RPAP2: variants seen among roughly 807,000 people sequenced by gnomAD.
RPAP2 encodes RNA polymerase II associated protein 2.
A neutral mutation model predicts 73.1 loss-of-function variants in RPAP2; 52 were observed. That is an observed-to-expected ratio of 0.71 (90% CI 0.57 to 0.90). The LOEUF (loss-of-function observed/expected upper bound fraction) is 0.90, where lower values mean the gene tolerates loss of function less well. Among genes scored for constraint, RPAP2 ranks in the 40% least tolerant of loss-of-function variants. The pLI is 0.00. For synonymous variants in RPAP2, 225 were observed against 242.1 expected, an observed-to-expected ratio of 0.93 and a Z score of 0.65; for missense variants, 598 against 701.8, an observed-to-expected ratio of 0.85 and a Z score of 1.67.
chr1:92,380,319 CTTGT>C (rs1197641481), intron 11 of RPAP2, among the ~76,000 whole-genome samples: 4 of 151,718 alleles, frequency 2.6e-5, no homozygotes, highest in African/African-American at 9.7e-5. Flanking sequence ...AAAAGGTAAT[CTTGT>C]TTGTTTACTA....
rs1253580025 is a variant in RPAP2 at position 92,395,081 on chromosome 1, C to T, written c.*8070C>T. 6.6e-6 allele frequency: 1 copy of T among 152,092 alleles called. No homozygotes were observed. Among genetic ancestry groups the T allele is most frequent in the African/African-American group, 2.4e-5 (1 of 41,420 alleles). The allele number at this position is 152,092 out of a possible 1,614,324, so 9.4% of individuals were successfully genotyped here. On this transcript the variant is annotated 3_prime_UTR_variant, in exon 13 of 13. Transcript: ENST00000610020. ...AAGATGGTCTTTTCAACAAATAGTG[C>T]TAGGATATTTGGATATCAAATGCAG...
chr1:92,320,271 AT>A (rs1220119225), intron 6 of RPAP2, among the ~76,000 whole-genome samples: 1 of 151,504 alleles, frequency 6.6e-6, no homozygotes, highest in Non-Finnish European at 1.5e-5. Context: ...TTGTCCTTTA[AT>A]TTTTTTCTTT....
At chr1:92,383,006 C>CT (rs1655712998) in intron 12 of RPAP2, among the ~76,000 whole-genome samples, 1 of 152,188 alleles carries the variant, frequency 6.6e-6, no homozygotes, top group Non-Finnish European at 1.5e-5. Context: ...GTTTTCCCAG[C>CT]ACCATTTATT....
intron 5 of RPAP2, among the ~76,000 whole-genome samples, chr1:92,304,968 C>G (rs1033216727): frequency 9.9e-5 from 15 of 151,838 alleles, no homozygotes; most frequent in African/African-American, 3.1e-4. Context: ...AACCCTGTCT[C>G]TACAAAAAGT....
In RPAP2 at chr1:92,401,521, T is replaced by C. The variant is rs552045253; in HGVS notation, c.*14510T>C. 6.6e-6 allele frequency: 1 copy of C among 152,328 alleles called. No individual in the cohort carries two copies. Among genetic ancestry groups the C allele is most frequent in the African/African-American group, 2.4e-5 (1 of 41,570 alleles). The allele number at this position is 152,328 out of a possible 1,614,324, so 9.4% of individuals were successfully genotyped here. On this transcript the variant is annotated 3_prime_UTR_variant, in exon 13 of 13. Coordinates refer to ENST00000610020, the MANE Select transcript of RPAP2 (RefSeq NM_024813.3). Reference sequence around the variant, plus strand: ...ATTGTACTTGTTCTTTGCCAACCCATATGTCTTGCCTTACTGCCCTGGTTA... The same window carrying C: ...ATTGTACTTGTTCTTTGCCAACCCACATGTCTTGCCTTACTGCCCTGGTTA...
intron 12 of RPAP2, among the ~76,000 whole-genome samples, chr1:92,384,098 C>G (rs1655763822): frequency 6.6e-6 from 1 of 151,546 alleles, no homozygotes; most frequent in Non-Finnish European, 1.5e-5. Flanking sequence ...GCTGGGACTA[C>G]AGGCGTGCAC....
chr1:92,350,305 T>C (rs72960817), intron 11 of RPAP2, among the ~76,000 whole-genome samples: 7,335 of 152,266 alleles, frequency 0.048, 611 homozygotes, highest in African/African-American at 0.17. Flanking sequence ...TTAATAAATG[T>C]TACAATTAAA....
At chr1:92,383,739 T>C (rs1232153793) in intron 12 of RPAP2, among the ~76,000 whole-genome samples, 1 of 148,512 alleles carries the variant, frequency 6.7e-6, no homozygotes, top group Non-Finnish European at 1.5e-5. Context: ...CCTCTTTTCC[T>C]AATTGATACC....
rs1652458887 is a variant in RPAP2, at chr1:92,323,812, C to CA, written c.893dup (p.Ser299GlufsTer5). 1.9e-6 allele frequency: 3 copies of CA among 1,613,936 alleles called. No individual in the cohort carries two copies. The highest frequency in any genetic ancestry group is 2.2e-5 in the South Asian group (2 of 91,078). On this transcript the variant is annotated frameshift_variant, in exon 8 of 13. Coordinates refer to ENST00000610020, the MANE Select transcript of RPAP2 (RefSeq NM_024813.3). LOFTEE classifies it high-confidence loss of function. ...ACTTCCTTTACAGAAAGTAAATACT[C>CA]AGAGTTCTTCAAATAGCACTTTGCC...
rs1212182633 is a variant in RPAP2, at chr1:92,335,873, AT to A, written c.1539-467del. On this transcript the variant is annotated intron_variant, in intron 9 of 12. Transcript: ENST00000610020. ...TCATCTGATTATTTCCTTAGATTAAATTTTTTTCATAGTAAAACTGTTGGGT... is the reference window on the plus strand; with the variant it reads ...TCATCTGATTATTTCCTTAGATTAAATTTTTTCATAGTAAAACTGTTGGGT... Among the ~76,000 whole-genome samples the A allele has an allele frequency of 4.6e-5, 7 of 152,202 alleles. No homozygotes were observed. In the South Asian group the frequency reaches 1.2e-3, roughly 27 times the overall value.
At chr1:92,377,584 C>CT (rs1655441769) in intron 11 of RPAP2, among the ~76,000 whole-genome samples, 1 of 146,818 alleles carries the variant, frequency 6.8e-6, no homozygotes, top group Non-Finnish European at 1.5e-5. Context: ...TGTAGTTAGA[C>CT]TGGGGGGGAA....
chr1:92,380,830 G>C lies in RPAP2; in HGVS notation c.1795G>C (p.Glu599Gln), dbSNP rs779999130. Residue 599 changes from glutamate to glutamine, a missense_variant, in exon 12 of 13, where the codon GAA (glutamate) becomes CAA (glutamine). By Grantham distance (29) the Glu-to-Gln change is conservative (BLOSUM62 2). Coordinates refer to ENST00000610020, the MANE Select transcript of RPAP2 (RefSeq NM_024813.3). ...EELHLKNEDLESLTIIFRTSC... is the reference protein window; with the variant it reads ...EELHLKNEDLQSLTIIFRTSC... ...ATTACATCTAAAAAATGAAGACCTTGAAAGTCTAACCATCATATTTAGAAC... is the reference window on the plus strand; with the variant it reads ...ATTACATCTAAAAAATGAAGACCTTCAAAGTCTAACCATCATATTTAGAAC... The C allele has an allele frequency of 3.1e-6, 5 of 1,605,502 alleles. No homozygotes were observed. The highest frequency in any genetic ancestry group is 3.4e-6 in the Non-Finnish European group (4 of 1,176,782).
chr1:92,360,819 T>TA (rs1225536162), intron 11 of RPAP2, among the ~76,000 whole-genome samples: 1 of 151,748 alleles, frequency 6.6e-6, no homozygotes, highest in Non-Finnish European at 1.5e-5. Flanking sequence ...TCATTACTGT[T>TA]ACATTCATTA....
intron 6 of RPAP2, among the ~76,000 whole-genome samples, chr1:92,313,492 C>T (rs1651718754): frequency 6.9e-6 from 1 of 145,676 alleles, no homozygotes; most frequent in Non-Finnish European, 1.5e-5. Context: ...TTAAAATATT[C>T]AGTAAGCCAT....
intron 10 of RPAP2, among the ~76,000 whole-genome samples, chr1:92,343,435 A>G (rs547186142): frequency 1.3e-5 from 2 of 152,180 alleles, no homozygotes; most frequent in Non-Finnish European, 2.9e-5. Flanking sequence ...TATTAAACCC[A>G]TATCTTTCAG....
intron 6 of RPAP2, among the ~76,000 whole-genome samples, chr1:92,316,991 A>C (rs1651942119): frequency 6.6e-6 from 1 of 152,184 alleles, no homozygotes; most frequent in African/African-American, 2.4e-5. Flanking sequence ...AAAATTACAC[A>C]AAGGAGAAGA....
intron 6 of RPAP2, among the ~76,000 whole-genome samples, chr1:92,313,688 G>A (rs1651729735): frequency 6.6e-6 from 1 of 152,128 alleles, no homozygotes; most frequent in South Asian, 2.1e-4. Context: ...TTGAAGCTTT[G>A]ATGCCACATA....
intron 6 of RPAP2, among the ~76,000 whole-genome samples, chr1:92,320,392 C>T (rs1652179857): frequency 6.6e-6 from 1 of 152,136 alleles, no homozygotes; most frequent in Non-Finnish European, 1.5e-5. Context: ...CCTGCCTCAG[C>T]CTCCTGAGTA....
chr1:92,330,397 C>A (rs1036381204), intron 8 of RPAP2, among the ~76,000 whole-genome samples: 6 of 146,844 alleles, frequency 4.1e-5, no homozygotes, highest in Admixed American at 2.7e-4. Flanking sequence ...GAAGATCACT[C>A]ATTGAACTAT....
Sources: gnomAD v4.1 joint callset for allele counts (sites outside exome capture counted in the v4.1 genomes callset) on GRCh38, gnomAD v4.1.1 for gene constraint, MANE v1.5 for transcripts, NCBI Gene and HGNC (gene_info 2026-07-23, HGNC 2026-07-21) for gene names.